The following TOP1MT variants were observed in gnomAD, a reference collection of about 807,000 sequenced individuals.
TOP1MT encodes the protein DNA topoisomerase I, mitochondrial.
Under a neutral mutation model 73.9 loss-of-function variants are expected in TOP1MT, and 80 were observed. The observed-to-expected ratio is 1.08, with a 90% CI of 0.90 to 1.30. The LOEUF (loss-of-function observed/expected upper bound fraction) is 1.30, where lower values mean the gene tolerates loss of function less well. Ranked by LOEUF, TOP1MT falls within the 50% of genes most tolerant of loss-of-function variation. The probability of loss-of-function intolerance (pLI) is 0.00; values close to 1 mark genes in which losing one functional copy is unlikely to be tolerated. For missense variants in TOP1MT, 815 were observed against 808.0 expected, an observed-to-expected ratio of 1.01 and a Z score of -0.10; for synonymous variants, 338 against 326.4, an observed-to-expected ratio of 1.04 and a Z score of -0.38.
At chr8:143,322,193 C>T (rs1266818225) in intron 7 of TOP1MT, among the ~76,000 whole-genome samples, 51 of 46,610 alleles carry the variant, frequency 1.1e-3, no homozygotes, top group Non-Finnish European at 2.0e-3. Context: ...CACACAGGCA[C>T]GCCACACACA....
In TOP1MT at chr8:143,326,332, C is replaced by A; in HGVS notation, c.373G>T (p.Glu125Ter). ...AGGCTCTTGATGACTTCCCTCTCTT[C>A]CACCGCCATTTCCTGCAAAAACCAC... The part of the protein sequence containing the change: ...FNDWRKEMAV[E>*]EREVIKSLDK... Residue 125 changes from glutamate to a stop codon, truncating the protein, a stop_gained, in exon 4 of 14, where the codon GAA (glutamate) becomes TAA (stop). Transcript: ENST00000329245. LOFTEE classifies it high-confidence loss of function. 1 of 1,613,994 alleles carries A rather than the reference C, an allele frequency of 6.2e-7. No individual in the cohort carries two copies. The highest frequency in any genetic ancestry group is 8.5e-7 in the Non-Finnish European group (1 of 1,180,010).
At chr8:143,345,732 C>G (rs932354594), upstream of TOP1MT, among the ~76,000 whole-genome samples, 1 of 152,240 alleles carries the variant, frequency 6.6e-6, no homozygotes, top group Admixed American at 6.5e-5. Flanking sequence ...CACACTTAAA[C>G]TATACTGATG....
At chr8:143,309,856 G>C in intron 13 of TOP1MT, 1 of 1,536,646 alleles carries the variant, frequency 6.5e-7, no homozygotes, top group Non-Finnish European at 8.7e-7. Flanking sequence ...GCCACTGTCA[G>C]CACCCCCACT....
In TOP1MT at chr8:143,321,309, C is replaced by G. The variant is rs370548955; in HGVS notation, c.1038G>C (p.Glu346Asp). The change falls in exon 8 of 14, where the codon GAG (glutamate) becomes GAC (aspartate). Residue 346 changes from glutamate to aspartate, a missense_variant. Glu to Asp is a conservative substitution (Grantham distance 45). Around this residue, in one of 3 missense-constraint regions of TOP1MT, gnomAD observed 751 missense variants for 725.4 expected, o/e 1.04. Coordinates refer to ENST00000329245, the MANE Select transcript of TOP1MT (RefSeq NM_052963.3). ...CGGCCTCCGGGTGCAGCTGGACGTG[C>G]TCCACGCGGAGGGAACAGCAGCCCA... ...DTVGCCSLRV[E>D]HVQLHPEADG... 1.2e-6 allele frequency: 2 copies of G among 1,612,410 alleles called. No individual in the cohort carries two copies. The highest frequency in any genetic ancestry group is 2.7e-5 in the African/African-American group (2 of 74,868).
chr8:143,353,592 A>G (rs1448856206), intron 1 of TOP1MT, among the ~76,000 whole-genome samples: 1 of 152,190 alleles, frequency 6.6e-6, no homozygotes, highest in Non-Finnish European at 1.5e-5. Context: ...AATGGCCATA[A>G]TGAAAAAGAC....
intron 8 of TOP1MT, among the ~76,000 whole-genome samples, chr8:143,318,854 C>A (rs1816249595): frequency 6.6e-6 from 1 of 151,984 alleles, no homozygotes; most frequent in Non-Finnish European, 1.5e-5. Flanking sequence ...CTCCCGACTT[C>A]TGGCTTCTTC....
chr8:143,322,943 CCA>C (rs1468145842), intron 7 of TOP1MT, among the ~76,000 whole-genome samples: 36 of 95,632 alleles, frequency 3.8e-4, no homozygotes, highest in Non-Finnish European at 6.4e-4. Context: ...CACAGGCACG[CCA>C]CACACGCCAC....
chr8:143,329,497 A>G (rs1191963699), intron 2 of TOP1MT, 26 bp from the exon 3 acceptor site: 3 of 1,595,054 alleles, frequency 1.9e-6, no homozygotes, highest in Non-Finnish European at 2.6e-6. Flanking sequence ...GACACATCGT[A>G]TGAGAGAGCG....
chr8:143,356,697 A>G (rs1410310372), upstream of TOP1MT, among the ~76,000 whole-genome samples: 2 of 149,416 alleles, frequency 1.3e-5, no homozygotes, highest in Non-Finnish European at 3.0e-5. Context: ...GAGGCAGGAG[A>G]ATAGATTGAA....
intron 13 of TOP1MT, 173 bp downstream of exon 13, chr8:143,309,895 A>T: frequency 6.4e-7 from 1 of 1,568,648 alleles, no homozygotes; most frequent in Non-Finnish European, 8.6e-7. Flanking sequence ...CGTTCAGGGC[A>T]GGGAGAGCTG....
At chr8:143,322,582 G>A (rs1261385236) in intron 7 of TOP1MT, among the ~76,000 whole-genome samples, 3 of 100,598 alleles carry the variant, frequency 3.0e-5, no homozygotes, top group East Asian at 3.4e-4. Flanking sequence ...CCACACACAT[G>A]CACGCCACAC....
chr8:143,317,895 C>T lies in TOP1MT; in HGVS notation c.1216-58G>A, dbSNP rs2272635. ...GTTTTGCGGGGCCGTCCCAGCCTCC[C>T]GCGGGAAGGAAAGGACATGTCAGCC... On this transcript the variant is annotated intron_variant, in intron 9 of 13. Coordinates refer to ENST00000329245, the MANE Select transcript of TOP1MT (RefSeq NM_052963.3). 0.29 allele frequency: 456,716 copies of T among 1,596,440 alleles called. 69,450 individuals carry two copies. Among genetic ancestry groups the T allele is most frequent in the African/African-American group, 0.49 (36,359 of 74,590 alleles).
intron 1 of TOP1MT, 48 bp from the exon 2 acceptor site, chr8:143,331,387 T>C: frequency 1.3e-6 from 2 of 1,522,798 alleles, no homozygotes; most frequent in Middle Eastern, 1.7e-4. Context: ...AGGCCCTGCA[T>C]GAGCCTCTTC....
chr8:143,358,777 G>A (rs564279401), upstream of TOP1MT: 1 of 152,354 alleles, frequency 6.6e-6, no homozygotes, highest in East Asian at 1.9e-4. Flanking sequence ...TGCGGCTGGA[G>A]TGACACCGAA....
At chr8:143,353,232 T>C (rs1817349546) in intron 1 of TOP1MT, among the ~76,000 whole-genome samples, 1 of 151,968 alleles carries the variant, frequency 6.6e-6, no homozygotes, top group African/African-American at 2.4e-5. Context: ...CTAGGCAAAA[T>C]GGGGAGACCC....
In TOP1MT at chr8:143,334,805, G is replaced by T. The variant is rs1401159428; in HGVS notation, c.57C>A (p.Val19=). 2.5e-6 allele frequency: 4 copies of T among 1,573,516 alleles called. No homozygotes were observed. The highest frequency in any genetic ancestry group is 3.5e-5 in the Admixed American group (2 of 57,144). The change falls in exon 1 of 14, where the codon GTC becomes GTA. Residue 19 remains valine (V), a synonymous_variant. Transcript: ENST00000329245. ...CACCCCGGGAGGCCGGGCGGCGGGG[G>T]ACCTCCCCGAGCAGCGTCAGAGCCG... The part of the protein sequence containing the change: ...LRAALTLLGE[V]PRRPASRGVP...
upstream of TOP1MT, chr8:143,359,192 G>T: frequency 1.0e-6 from 1 of 981,944 alleles, no homozygotes; most frequent in Non-Finnish European, 1.2e-6. Flanking sequence ...AAAATAGCCT[G>T]TTCTTGGGTT....
upstream of TOP1MT, among the ~76,000 whole-genome samples, chr8:143,356,952 G>T (rs1313668349): frequency 6.6e-6 from 1 of 151,672 alleles, no homozygotes; most frequent in Non-Finnish European, 1.5e-5. Flanking sequence ...AAATTAGATG[G>T]GTGTGGTGGC....
At chr8:143,323,359 C>T (rs1270678465) in intron 7 of TOP1MT, among the ~76,000 whole-genome samples, 4 of 66,218 alleles carry the variant, frequency 6.0e-5, no homozygotes, top group Non-Finnish European at 8.6e-5. Context: ...CACGCCACAC[C>T]CACAGGCACG....
Sources: allele counts gnomAD v4.1 joint callset (sites outside exome capture counted in the v4.1 genomes callset), GRCh38; gene constraint gnomAD v4.1.1; regional missense constraint gnomAD v4.1.1; transcripts MANE v1.5; gene names NCBI Gene and HGNC (gene_info 2026-07-23, HGNC 2026-07-21).